Variants in SPATA1 observed in about 807,000 individuals in gnomAD.
SPATA1 encodes spermatogenesis-associated protein 1.
In SPATA1, 57 loss-of-function variants were observed where a neutral mutation model predicts 59.6. That is an observed-to-expected ratio of 0.96 (90% CI 0.77 to 1.19). SPATA1 has a LOEUF of 1.19. SPATA1 is among the 50% of genes most tolerant of loss of function. SPATA1 has a pLI of 0.00. For synonymous variants in SPATA1, 147 were observed against 163.9 expected (o/e 0.90, Z 0.79); for missense variants, 448 against 480.7 (o/e 0.93, Z 0.64).
At chr1:84,545,124 G>C (rs896213677) in intron 9 of SPATA1, among the ~76,000 whole-genome samples, 1 of 151,026 alleles carries the variant, frequency 6.6e-6, no homozygotes, top group African/African-American at 2.4e-5. Flanking sequence ...GGCTGAGGCA[G>C]GAGAATCGCT....
At chr1:84,526,910 A>G (rs1179686595) in intron 6 of SPATA1, among the ~76,000 whole-genome samples, 5 of 151,724 alleles carry the variant, frequency 3.3e-5, no homozygotes, top group Admixed American at 6.6e-5. Flanking sequence ...TAAAATGTTT[A>G]AATAAAAATT....
At chr1:84,540,033 G>C (rs1683848553) in intron 8 of SPATA1, among the ~76,000 whole-genome samples, 1 of 152,062 alleles carries the variant, frequency 6.6e-6, no homozygotes, top group African/African-American at 2.4e-5. Context: ...AAAATACTCT[G>C]CTTTCTTTTT....
chr1:84,550,342 C>A, intron 11 of SPATA1, 90 bp from the exon 12 acceptor site: 1 of 571,990 alleles, frequency 1.7e-6, no homozygotes, highest in Non-Finnish European at 2.8e-6. Context: ...CTCTTTTGAT[C>A]TTTATCATTT....
intron 7 of SPATA1, 66 bp downstream of exon 7, chr1:84,533,040 C>A: frequency 9.0e-7 from 1 of 1,109,626 alleles, no homozygotes; most frequent in Non-Finnish European, 1.3e-6. Context: ...GTAAGATATT[C>A]AGAGTATTGT....
intron 4 of SPATA1, among the ~76,000 whole-genome samples, chr1:84,524,825 CTAAAT>C (rs1683154435): frequency 6.6e-6 from 1 of 152,118 alleles, no homozygotes; most frequent in African/African-American, 2.4e-5. Context: ...TATCACCATC[CTAAAT>C]TGAGTTTATT....
downstream of SPATA1, among the ~76,000 whole-genome samples, chr1:84,566,550 G>A (rs572934661): frequency 1.6e-4 from 24 of 152,252 alleles, no homozygotes; most frequent in South Asian, 4.3e-3. Flanking sequence ...CGGCCTACAG[G>A]TATAGATTAA....
chr1:84,558,293 CT>C (rs369890996), downstream of SPATA1, among the ~76,000 whole-genome samples: 26,539 of 145,624 alleles, frequency 0.18, 2,443 homozygotes, highest in South Asian at 0.29. Context: ...TGCCATTAAA[CT>C]TTTTTTTTTT....
At chr1:84,525,069 C>T (rs1471828600) in intron 4 of SPATA1, among the ~76,000 whole-genome samples, 3 of 152,126 alleles carry the variant, frequency 2.0e-5, no homozygotes, top group Non-Finnish European at 4.4e-5. Context: ...CTCCACCTCC[C>T]AGGTTCAAGC....
intron 12 of SPATA1, chr1:84,552,344 T>C (rs1684298733): frequency 2.0e-5 from 3 of 152,206 alleles, no homozygotes; most frequent in African/African-American, 7.2e-5. Flanking sequence ...AGATTCTTCC[T>C]ACCTAACAAG....
chr1:84,566,230 A>G (rs1475797052), downstream of SPATA1: 3 of 227,186 alleles, frequency 1.3e-5, no homozygotes, highest in African/African-American at 6.8e-5. Flanking sequence ...TGGACATACA[A>G]TGACCAGGAG....
intron 6 of SPATA1, among the ~76,000 whole-genome samples, chr1:84,532,325 G>C (rs1193612675): frequency 6.6e-6 from 1 of 152,098 alleles, no homozygotes; most frequent in Non-Finnish European, 1.5e-5. Context: ...GTGAAACCCT[G>C]TCTATACTAA....
At chr1:84,535,842 T>C (rs1683657156) in intron 8 of SPATA1, among the ~76,000 whole-genome samples, 1 of 152,208 alleles carries the variant, frequency 6.6e-6, no homozygotes, top group Admixed American at 6.5e-5. Flanking sequence ...TTCCTGAGTG[T>C]GAGAAGTTGT....
rs139016744 is a variant in SPATA1, at chr1:84,514,324, C to G, written c.-137-1899C>G. Among the ~76,000 whole-genome samples the G allele has an allele frequency of 1.9e-4, 29 of 152,254 alleles. No homozygotes were observed. The East Asian group carries it at 5.6e-3, about 29-fold the overall frequency. ...AAATGATAAAGGGAGTTCTTAAAAT[C>G]CCAAACATGGCTTCTTTGCCATTAC... is the stretch of plus-strand genomic sequence containing the variant. On this transcript the variant is annotated intron_variant, in intron 1 of 12. Coordinates refer to ENST00000490879, the Ensembl canonical transcript of SPATA1.
chr1:84,513,864 C>T (rs1320149577), intron 1 of SPATA1, among the ~76,000 whole-genome samples: 2 of 94,176 alleles, frequency 2.1e-5, no homozygotes, highest in Admixed American at 2.1e-4. Flanking sequence ...TTTTTTGAGA[C>T]GGAGTCTCAC....
At chr1:84,538,472 A>G (rs1478568366) in intron 8 of SPATA1, among the ~76,000 whole-genome samples, 2 of 152,216 alleles carry the variant, frequency 1.3e-5, no homozygotes, top group African/African-American at 4.8e-5. Context: ...CTTAGGTAAG[A>G]CATATGTTTC....
chr1:84,537,034 C>A (rs886141714), intron 8 of SPATA1, among the ~76,000 whole-genome samples: 1 of 151,834 alleles, frequency 6.6e-6, no homozygotes, highest in Non-Finnish European at 1.5e-5. Context: ...CACCTGCCAC[C>A]GCGCCCAGCT....
downstream of SPATA1, chr1:84,554,913 T>C (rs1684384038): frequency 9.6e-7 from 1 of 1,040,168 alleles, no homozygotes; most frequent in Admixed American, 2.3e-5. Context: ...ATAACAAAAG[T>C]ATATAGCAAC....
intron 6 of SPATA1, among the ~76,000 whole-genome samples, chr1:84,529,373 G>C (rs11163998): frequency 0.054 from 8,161 of 151,950 alleles, 769 homozygotes; most frequent in African/African-American, 0.19. Context: ...ACAGTGCCTA[G>C]ACCACAGTCC....
intron 8 of SPATA1, among the ~76,000 whole-genome samples, chr1:84,534,496 A>C (rs187605552): frequency 4.8e-4 from 73 of 152,178 alleles, no homozygotes; most frequent in Non-Finnish European, 6.8e-4. Flanking sequence ...AGGCACAGAG[A>C]GGTTCCATGG....
Sources: gnomAD v4.1 joint callset for allele counts (sites outside exome capture counted in the v4.1 genomes callset) on GRCh38, gnomAD v4.1.1 for gene constraint, MANE v1.5 for transcripts, NCBI Gene and HGNC (gene_info 2026-07-23, HGNC 2026-07-21) for gene names.